GSTM4: variants seen among roughly 807,000 people sequenced by gnomAD.
The protein encoded by GSTM4 is glutathione S-transferase mu 4.
In GSTM4, 27 loss-of-function variants were observed where a neutral mutation model predicts 30.1. The ratio of observed to expected loss-of-function variants is 0.90; its 90% CI spans 0.66 to 1.24. GSTM4 has a LOEUF of 1.24. Ranked by LOEUF, GSTM4 falls within the 50% of genes most tolerant of loss-of-function variation. The pLI is 0.00. For synonymous variants in GSTM4, 94 were observed against 96.2 expected, an observed-to-expected ratio of 0.98 and a Z score of 0.13; for missense variants, 238 against 272.1, an observed-to-expected ratio of 0.87 and a Z score of 0.88.
chr1:109,667,442 C>T (rs1647369084), downstream of GSTM4, among the ~76,000 whole-genome samples: 1 of 152,126 alleles, frequency 6.6e-6, no homozygotes, highest in Non-Finnish European at 1.5e-5. Context: ...GTCCACCAGC[C>T]CCTGCTCCCC....
chr1:109,659,724 T>G, intron 7 of GSTM4: 1 of 417,398 alleles, frequency 2.4e-6, no homozygotes, highest in Non-Finnish European at 4.7e-6. Flanking sequence ...AAGGAGTGTA[T>G]GTTGAAGTGC....
rs1433478722 is a variant in GSTM4, at chr1:109,661,155, C to A, written c.568-10C>A. On this transcript the variant is annotated splice_polypyrimidine_tract_variant and intron_variant, in intron 7 of 7. Transcript: ENST00000369836. Reference sequence around the variant, plus strand: ...ACCTTGAGTTCTGGCCTTATTTTCCCCCCTCTCAGGGCTTGGAGAAGATCT... The same window carrying A: ...ACCTTGAGTTCTGGCCTTATTTTCCACCCTCTCAGGGCTTGGAGAAGATCT... The A allele has an allele frequency of 6.2e-7, 1 of 1,612,754 alleles. No homozygotes were observed. The highest frequency in any genetic ancestry group is 8.5e-7 in the Non-Finnish European group (1 of 1,179,572).
In GSTM4 at chr1:109,656,117, GCTCCCTGAACA is replaced by G. The variant is rs1157736387; in HGVS notation, c.-269_-259del. 1 of 454,528 alleles carries G rather than the reference GCTCCCTGAACA, an allele frequency of 2.2e-6. No individual in the cohort carries two copies. 28.2% of individuals were successfully genotyped at this position (454,528 alleles called of 1,614,324 possible). On this transcript the variant is annotated 5_prime_UTR_variant, in exon 1 of 8. Transcript: ENST00000369836. ...GCCCCTCCTAGTGCTTCCGGACCTT[GCTCCCTGAACA>G]CTCGGAGGTGGCGGTGGATCTTACT...
rs760303569 is a variant in GSTM4 at position 109,661,248 on chromosome 1, C to T, written c.651C>T (p.Asn217=). ...ACACAAGGGTGGCTGTCTGGGGCAA[C>T]AAGTAATGCCTTGAAGGCCAGGAGG... ...PLYTRVAVWG[N]K Residue 217 remains asparagine (N), a synonymous_variant, in exon 8 of 8, where the codon AAC becomes AAT. Coordinates refer to ENST00000369836, the MANE Select transcript of GSTM4 (RefSeq NM_000850.5). 8 of 1,611,418 alleles carry T rather than the reference C, an allele frequency of 5.0e-6. 1 individual carries two copies. The highest frequency in any genetic ancestry group is 1.7e-4 in the Middle Eastern group (1 of 6,058).
rs1652117001 is a variant in GSTM4, at chr1:109,658,045, A to G, written c.360+173A>G. On this transcript the variant is annotated intron_variant, in intron 5 of 7. Transcript: ENST00000369836. ...AAATAAAAACTTGAAATCAGTCCCC[A>G]CCAATCATAGGAAGTCCTATGAAAG... 4.9e-6 allele frequency: 3 copies of G among 616,768 alleles called. No individual in the cohort carries two copies. In the East Asian group the frequency reaches 8.3e-5, roughly 17 times the overall value. 38.2% of individuals were successfully genotyped at this position (616,768 alleles called of 1,614,324 possible).
At chr1:109,659,596 G>A in intron 7 of GSTM4, 1 of 392,476 alleles carries the variant, frequency 2.5e-6, no homozygotes, top group Non-Finnish European at 4.7e-6. Flanking sequence ...GAAACCCACA[G>A]GCAGTATTCA....
downstream of GSTM4, among the ~76,000 whole-genome samples, chr1:109,667,366 A>C (rs1399477387): frequency 1.3e-5 from 2 of 151,876 alleles, no homozygotes. Flanking sequence ...AAAACGAATG[A>C]ATACAAAGAC....
At chr1:109,658,424 T>G in intron 5 of GSTM4, 1 of 248,878 alleles carries the variant, frequency 4.0e-6, no homozygotes, top group Non-Finnish European at 7.8e-6. Flanking sequence ...GTCCATTGTA[T>G]TATTCTGCCA....
chr1:109,658,551 C>T (rs1246655960), intron 5 of GSTM4: 2 of 498,118 alleles, frequency 4.0e-6, no homozygotes. Flanking sequence ...CCTGGGCTGA[C>T]CCAGAGGAGG....
intron 7 of GSTM4, chr1:109,659,499 GC>G (rs1652202620): frequency 7.3e-6 from 6 of 826,552 alleles, no homozygotes; most frequent in African/African-American, 1.7e-5. Flanking sequence ...ACAGCCCAGG[GC>G]ACTTTGGAAG....
chr1:109,666,483 G>C (rs1185812711), downstream of GSTM4, among the ~76,000 whole-genome samples: 1 of 152,168 alleles, frequency 6.6e-6, no homozygotes, highest in African/African-American at 2.4e-5. Flanking sequence ...TCCCTACCCT[G>C]TACCCTGAAA....
chr1:109,667,386 C>T (rs1408879715), downstream of GSTM4, among the ~76,000 whole-genome samples: 1 of 151,486 alleles, frequency 6.6e-6, no homozygotes, highest in Non-Finnish European at 1.5e-5. Flanking sequence ...CCTCTGATTA[C>T]CCCAGATTCT....
At chr1:109,665,324 G>A (rs1258994505), downstream of GSTM4, 6 of 491,976 alleles carry the variant, frequency 1.2e-5, no homozygotes, top group African/African-American at 3.9e-5. Flanking sequence ...TAACACCATC[G>A]CCTCCCACCC....
Position 109,656,934 on chromosome 1 carries a change from G to C in GSTM4, c.112+147G>C, listed in dbSNP as rs773244565. 68 of 913,430 alleles carry C rather than the reference G, an allele frequency of 7.4e-5. No individual in the cohort carries two copies. The Admixed American group carries it at 7.6e-4, about 10-fold the overall frequency. 56.6% of individuals were successfully genotyped at this position (913,430 alleles called of 1,614,324 possible). On this transcript the variant is annotated intron_variant, in intron 2 of 7. Coordinates refer to ENST00000369836, the MANE Select transcript of GSTM4 (RefSeq NM_000850.5). ...CCCTGAGCCCCGGTGAGGGAGTCCT[G>C]TGGCCTTGCAAGGCAGAATGCTGGG...
chr1:109,657,569 C>G (rs999280631), intron 3 of GSTM4, 21 bp from the exon 4 acceptor site: 6 of 1,614,196 alleles, frequency 3.7e-6, no homozygotes, highest in Non-Finnish European at 2.5e-6. Flanking sequence ...ACTGAGCTTC[C>G]CCGGTTTCCC....
downstream of GSTM4, among the ~76,000 whole-genome samples, chr1:109,662,859 A>G (rs938900315): frequency 4.6e-5 from 7 of 152,216 alleles, no homozygotes; most frequent in Non-Finnish European, 1.0e-4. Flanking sequence ...GGACCCAGAA[A>G]TCCCACCCTA....
rs758213656 is a variant in GSTM4 at position 109,657,763 on chromosome 1, G to C, written c.260-9G>C. On this transcript the variant is annotated splice_polypyrimidine_tract_variant and intron_variant, in intron 4 of 7. Transcript: ENST00000369836. ...TGCTCAGAGTGAGTCTGTGTTTTGTGGGTGGCAGGTGGGGAGACAGAAGAG... is the reference window on the plus strand; with the variant it reads ...TGCTCAGAGTGAGTCTGTGTTTTGTCGGTGGCAGGTGGGGAGACAGAAGAG... 6 of 1,614,170 alleles carry C rather than the reference G, an allele frequency of 3.7e-6. No individual in the cohort carries two copies. Among genetic ancestry groups the C allele is most frequent in the Non-Finnish European group, 5.1e-6 (6 of 1,179,996 alleles).
downstream of GSTM4, chr1:109,665,079 G>A: frequency 9.0e-7 from 1 of 1,112,192 alleles, no homozygotes; most frequent in Non-Finnish European, 1.4e-6. Context: ...ATGCTCAGAT[G>A]GCAGGTAAAA....
At chr1:109,660,167 T>C (rs1570620372) in intron 7 of GSTM4, 2 of 171,748 alleles carry the variant, frequency 1.2e-5, no homozygotes, top group East Asian at 3.7e-4. Flanking sequence ...ACTCAGCTAG[T>C]TCCCATCAGC....
Sources: gnomAD v4.1 joint callset for allele counts (sites outside exome capture counted in the v4.1 genomes callset) on GRCh38, gnomAD v4.1.1 for gene constraint, MANE v1.5 for transcripts, NCBI Gene and HGNC (gene_info 2026-07-23, HGNC 2026-07-21) for gene names.